Variants in GOLM1 observed in about 807,000 individuals in gnomAD.
GOLM1 encodes the protein golgi membrane protein 1, also known as epididymis luminal protein 46.
GOLM1 carries 31 observed loss-of-function variants against 50.5 expected under a neutral mutation model. That is an observed-to-expected ratio of 0.61 (90% CI 0.46 to 0.83). The LOEUF is 0.83. GOLM1 is among the 40% of genes least tolerant of loss of function. GOLM1 has a pLI of 0.00. For synonymous variants in GOLM1, 178 were observed against 192.8 expected (o/e 0.92, Z 0.64); for missense variants, 491 against 501.3 (o/e 0.98, Z 0.20).
chr9:86,079,135 A>G (rs549768308), intron 2 of GOLM1, 57 bp downstream of exon 2: 1 of 1,431,996 alleles, frequency 7.0e-7, no homozygotes, highest in Non-Finnish European at 9.3e-7. Flanking sequence ...CCCCATCATA[A>G]CAAAATAAAC....
chr9:86,076,411 A>T (rs1834612693), intron 3 of GOLM1, among the ~76,000 whole-genome samples: 1 of 125,142 alleles, frequency 8.0e-6, no homozygotes, highest in Non-Finnish European at 1.6e-5. Flanking sequence ...ACAAGAGGGA[A>T]ACCCCATCTC....
Position 86,027,046 on chromosome 9 carries a change from C to G in GOLM1, c.*771G>C. ...TTTGGCCTGTTTGTTTTGTCAAAAA[C>G]CTAATCTGCTTCTTGCTTTTCTTGG... On this transcript the variant is annotated 3_prime_UTR_variant, in exon 10 of 10. Transcript: ENST00000388712. 1.0e-6 allele frequency: 1 copy of G among 985,386 alleles called. No individual in the cohort carries two copies. The highest frequency in any genetic ancestry group is 1.7e-5 in the African/African-American group (1 of 57,344). The allele number at this position is 985,386 out of a possible 1,614,324, so 61.0% of individuals were successfully genotyped here.
Position 86,027,105 on chromosome 9 carries a change from A to ACACACGAAGC in GOLM1, c.*702_*711dup, listed in dbSNP as rs1257733803. 1 of 984,682 alleles carries ACACACGAAGC rather than the reference A, an allele frequency of 1.0e-6. No homozygotes were observed. Among genetic ancestry groups the ACACACGAAGC allele is most frequent in the African/African-American group, 1.7e-5 (1 of 57,236 alleles). The allele number at this position is 984,682 out of a possible 1,614,324, so 61.0% of individuals were successfully genotyped here. A position where few individuals can be genotyped will look rare whatever the true frequency, so the allele number is the denominator to read the frequency against. ...ATTTAGGGAAGATGTTGCTTTGCCCACACACGAAGCAAAGTAAATAAAGAC... is the reference window on the plus strand; with the variant it reads ...ATTTAGGGAAGATGTTGCTTTGCCCACACACGAAGCCACACGAAGCAAAGTAAATAAAGAC... On this transcript the variant is annotated 3_prime_UTR_variant, in exon 10 of 10. Coordinates refer to ENST00000388712, the MANE Select transcript of GOLM1 (RefSeq NM_016548.4).
At chr9:86,070,309 C>T (rs2118822315) in intron 3 of GOLM1, among the ~76,000 whole-genome samples, 1 of 152,300 alleles carries the variant, frequency 6.6e-6, no homozygotes, top group Admixed American at 6.5e-5. Flanking sequence ...CACAGTGGGT[C>T]ATGCCTCTAA....
In GOLM1 at chr9:86,071,064, C is replaced by T. The variant is rs890686266; in HGVS notation, c.309+6348G>A. Among the ~76,000 whole-genome samples, 9 of 125,860 alleles carry T rather than the reference C, an allele frequency of 7.2e-5. No homozygotes were observed. In the Admixed American group the frequency reaches 7.7e-4, roughly 11 times the overall value. 82.6% of individuals were successfully genotyped at this position (125,860 alleles called of 152,430 possible). On this transcript the variant is annotated intron_variant, in intron 3 of 9. Coordinates refer to ENST00000388712, the MANE Select transcript of GOLM1 (RefSeq NM_016548.4). ...TTGTGATTCAGTACAAACATTTACA[C>T]ACATATATACATGTACACACACACA...
At chr9:86,046,051 GAAAATCACTGAAA>G (rs1833528444) in intron 5 of GOLM1, among the ~76,000 whole-genome samples, 1 of 152,136 alleles carries the variant, frequency 6.6e-6, no homozygotes, top group Non-Finnish European at 1.5e-5. Flanking sequence ...TAAAAATTGG[GAAAATCACTGAAA>G]AGTCTGAAGA....
At chr9:86,029,663 T>G (rs981588707) in intron 9 of GOLM1, among the ~76,000 whole-genome samples, 1 of 152,250 alleles carries the variant, frequency 6.6e-6, no homozygotes, top group African/African-American at 2.4e-5. Flanking sequence ...TGCTTTTTTC[T>G]TCTAATTTCC....
chr9:86,034,720 C>T (rs1245517059), intron 8 of GOLM1, among the ~76,000 whole-genome samples: 1 of 152,210 alleles, frequency 6.6e-6, no homozygotes, highest in Non-Finnish European at 1.5e-5. Context: ...TATTCTCCAA[C>T]TTCTGTGACT....
chr9:86,099,479 C>CCCG lies in GOLM1; in HGVS notation c.-93_-91dup, dbSNP rs1835463402. 5 of 150,220 alleles carry CCCG rather than the reference C, an allele frequency of 3.3e-5. No individual in the cohort carries two copies. The highest frequency in any genetic ancestry group is 2.0e-4 in the Admixed American group (3 of 15,092). The allele number at this position is 150,220 out of a possible 1,614,324, so 9.3% of individuals were successfully genotyped here. On this transcript the variant is annotated 5_prime_UTR_variant, in exon 1 of 10. Coordinates refer to ENST00000388712, the MANE Select transcript of GOLM1 (RefSeq NM_016548.4). ...GCTACGAGGCCGCCCGGGTCGCTCT[C>CCCG]CCGCCGCCGCCGGCCTCGAGCTCCG...
intron 9 of GOLM1, among the ~76,000 whole-genome samples, chr9:86,030,689 A>G (rs1832948721): frequency 6.6e-6 from 1 of 152,224 alleles, no homozygotes; most frequent in East Asian, 1.9e-4. Flanking sequence ...GACACTCACT[A>G]AATTTCAACA....
In GOLM1 at chr9:86,030,270, G is replaced by A. The variant is rs73476944; in HGVS notation, c.1130-2377C>T. On this transcript the variant is annotated intron_variant, in intron 9 of 9. Coordinates refer to ENST00000388712, the MANE Select transcript of GOLM1 (RefSeq NM_016548.4). ...ATAGAAGTAAGACAGTGACCAGACC[G>A]TGAAACATGCTCAAGAACATAAATG... is the stretch of plus-strand genomic sequence containing the variant. 8.2e-3 allele frequency among the ~76,000 whole-genome samples: 1,233 copies of A among 149,852 alleles called. 24 individuals are homozygous for A. The highest frequency in any genetic ancestry group is 0.029 in the African/African-American group (1,187 of 40,806).
At chr9:86,032,548 G>A (rs549302521) in intron 9 of GOLM1, among the ~76,000 whole-genome samples, 2 of 152,286 alleles carry the variant, frequency 1.3e-5, no homozygotes, top group East Asian at 3.9e-4. Context: ...AGGGAGAGGA[G>A]TTCCTTAAAA....
chr9:86,090,761 G>A (rs1587743836), intron 1 of GOLM1, among the ~76,000 whole-genome samples: 1 of 143,916 alleles, frequency 6.9e-6, no homozygotes, highest in East Asian at 2.2e-4. Flanking sequence ...CTGTCTCGCT[G>A]GCGTTCCAAG....
At chr9:86,054,123 C>T (rs113215129) in intron 3 of GOLM1, among the ~76,000 whole-genome samples, 338 of 152,232 alleles carry the variant, frequency 2.2e-3, no homozygotes, top group African/African-American at 7.6e-3. Context: ...AGGACAGAAG[C>T]CACACAGAAT....
chr9:86,031,818 C>T (rs1832992639), intron 9 of GOLM1, among the ~76,000 whole-genome samples: 1 of 149,998 alleles, frequency 6.7e-6, no homozygotes, highest in South Asian at 2.1e-4. Flanking sequence ...TGAATTGATA[C>T]AGGCATTGAC....
At chr9:86,064,430 C>A (rs1038179023) in intron 3 of GOLM1, among the ~76,000 whole-genome samples, 2 of 152,186 alleles carry the variant, frequency 1.3e-5, no homozygotes, top group Admixed American at 1.3e-4. Context: ...TTGGCTGCCT[C>A]CCAAATCTGC....
At chr9:86,073,713 C>T (rs1232098892) in intron 3 of GOLM1, among the ~76,000 whole-genome samples, 1 of 152,184 alleles carries the variant, frequency 6.6e-6, no homozygotes, top group Non-Finnish European at 1.5e-5. Context: ...CAAGGTTTTC[C>T]CCAGCATTCT....
intron 3 of GOLM1, among the ~76,000 whole-genome samples, chr9:86,054,268 T>C (rs1181751366): frequency 8.5e-6 from 1 of 118,010 alleles, no homozygotes; most frequent in Non-Finnish European, 1.8e-5. Flanking sequence ...ACTCATTGAC[T>C]TTTTTTTTTT....
At chr9:86,042,130 C>T (rs1453477616) in intron 5 of GOLM1, among the ~76,000 whole-genome samples, 1 of 152,186 alleles carries the variant, frequency 6.6e-6, no homozygotes, top group African/African-American at 2.4e-5. Flanking sequence ...AAAAACAAAA[C>T]AAAACTTGAA....
Sources: allele counts gnomAD v4.1 joint callset (sites outside exome capture counted in the v4.1 genomes callset), GRCh38; gene constraint gnomAD v4.1.1; transcripts MANE v1.5; gene names NCBI Gene and HGNC (gene_info 2026-07-23, HGNC 2026-07-21).